Variants in INTS4 observed in about 807,000 individuals in gnomAD.
INTS4 encodes the protein MSTP093.
INTS4 carries 70 observed loss-of-function variants against 119.5 expected under a neutral mutation model. The observed-to-expected ratio is 0.59, with a 90% CI of 0.48 to 0.71. The LOEUF (loss-of-function observed/expected upper bound fraction) is 0.71. Among genes scored for constraint, INTS4 ranks in the 30% least tolerant of loss-of-function variants. The pLI is 0.00. For synonymous variants in INTS4, 316 were observed against 419.6 expected (o/e 0.75, Z 3.02); for missense variants, 867 against 1,173.2 (o/e 0.74, Z 3.81).
chr11:77,940,549 A>G (rs1953905507), intron 9 of INTS4, among the ~76,000 whole-genome samples: 1 of 152,214 alleles, frequency 6.6e-6, no homozygotes, highest in African/African-American at 2.4e-5. Context: ...ATGTCATACC[A>G]TCTCACAAAA....
intron 15 of INTS4, among the ~76,000 whole-genome samples, chr11:77,915,621 T>C (rs1271043037): frequency 3.3e-5 from 5 of 152,132 alleles, no homozygotes; most frequent in Non-Finnish European, 7.4e-5. Context: ...TATCTCTCAG[T>C]TCCTCACTCC....
At chr11:77,956,568 A>C (rs895130227) in intron 7 of INTS4, among the ~76,000 whole-genome samples, 14 of 152,136 alleles carry the variant, frequency 9.2e-5, no homozygotes, top group Non-Finnish European at 1.8e-4. Flanking sequence ...TTAGCCAGGC[A>C]TGGTGACACA....
At chr11:77,937,005 T>C (rs1953811095) in intron 10 of INTS4, among the ~76,000 whole-genome samples, 1 of 151,982 alleles carries the variant, frequency 6.6e-6, no homozygotes, top group African/African-American at 2.4e-5. Context: ...CAAAACCCCG[T>C]CTCTACTAAA....
intron 18 of INTS4, among the ~76,000 whole-genome samples, chr11:77,898,398 G>A (rs541544536): frequency 3.9e-5 from 6 of 152,174 alleles, no homozygotes; most frequent in South Asian, 2.1e-4. Flanking sequence ...TCCTGACCTC[G>A]TGATCCACCT....
intron 9 of INTS4, among the ~76,000 whole-genome samples, 192 bp downstream of exon 9, chr11:77,940,988 C>A (rs1953916838): frequency 1.3e-5 from 2 of 152,130 alleles, no homozygotes; most frequent in African/African-American, 4.8e-5. Context: ...CAAAGTATTT[C>A]ATTACAATAA....
At chr11:77,974,158 AT>A (rs1452596052) in intron 4 of INTS4, among the ~76,000 whole-genome samples, 1 of 147,920 alleles carries the variant, frequency 6.8e-6, no homozygotes, top group Non-Finnish European at 1.5e-5. Context: ...TTCTTTAGTC[AT>A]TTTCAGTAGT....
intron 10 of INTS4, 64 bp downstream of exon 10, chr11:77,938,587 G>A (rs1953856544): frequency 6.4e-7 from 1 of 1,569,798 alleles, no homozygotes; most frequent in African/African-American, 1.4e-5. Context: ...GTATCACCCA[G>A]TATAATGCCT....
chr11:77,952,674 T>G (rs1394448932), intron 8 of INTS4, among the ~76,000 whole-genome samples: 1 of 152,172 alleles, frequency 6.6e-6, no homozygotes, highest in Non-Finnish European at 1.5e-5. Flanking sequence ...TAACATGAAA[T>G]TGTAACACAA....
chr11:77,876,209 T>C (rs988095718), downstream of INTS4, among the ~76,000 whole-genome samples: 2 of 152,168 alleles, frequency 1.3e-5, no homozygotes, highest in Non-Finnish European at 2.9e-5. Flanking sequence ...CTCTGACTGC[T>C]GGGTGCATGC....
chr11:77,950,636 C>T (rs1266135568), intron 8 of INTS4, among the ~76,000 whole-genome samples: 2 of 152,122 alleles, frequency 1.3e-5, no homozygotes, highest in South Asian at 2.1e-4. Context: ...GATAACTATA[C>T]TAACTATCCT....
chr11:77,932,043 G>T (rs1414562345), intron 10 of INTS4, among the ~76,000 whole-genome samples: 2 of 152,146 alleles, frequency 1.3e-5, no homozygotes, highest in Admixed American at 6.5e-5. Flanking sequence ...AAGACTTCAT[G>T]ACTTAAACAC....
At chr11:77,963,375 C>CAAAAAAAAA (rs1162893388) in intron 4 of INTS4, 1 of 175,760 alleles carries the variant, frequency 5.7e-6, no homozygotes, top group African/African-American at 4.4e-5. Context: ...AAAAAAAAAA[C>CAAAAAAAAA]AAAAAAAACT....
chr11:77,990,987 T>A (rs2276441), intron 2 of INTS4, 121 bp downstream of exon 2: 566,551 of 799,354 alleles, frequency 0.71, 203,058 homozygotes, highest in African/African-American at 0.85. Context: ...TACCTAGCAC[T>A]TGGAAGACAC....
chr11:77,946,164 A>C (rs1250949297), intron 8 of INTS4, among the ~76,000 whole-genome samples: 1 of 152,204 alleles, frequency 6.6e-6, no homozygotes, highest in Non-Finnish European at 1.5e-5. Flanking sequence ...TGCCATCACA[A>C]ACTCCCACAG....
At chr11:77,974,238 CTTTT>C (rs60093605) in intron 4 of INTS4, among the ~76,000 whole-genome samples, 1 of 84,336 alleles carries the variant, frequency 1.2e-5, no homozygotes, top group Admixed American at 1.4e-4. Flanking sequence ...TTTTTCTTTT[CTTTT>C]TTTTTTTTTT....
chr11:77,981,694 A>T (rs1856227866), intron 2 of INTS4, 118 bp from the exon 3 acceptor site: 1 of 447,536 alleles, frequency 2.2e-6, no homozygotes, highest in Non-Finnish European at 4.0e-6. Flanking sequence ...CTATGGCATC[A>T]TTTCTGAAAA....
chr11:77,898,555 T>G (rs1296548273), intron 18 of INTS4, among the ~76,000 whole-genome samples: 1 of 152,232 alleles, frequency 6.6e-6, no homozygotes, highest in East Asian at 1.9e-4. Context: ...TTAGATCACC[T>G]TGATCTTAGA....
chr11:77,981,640 A>G, intron 2 of INTS4, 64 bp from the exon 3 acceptor site: 1 of 733,060 alleles, frequency 1.4e-6, no homozygotes, highest in East Asian at 2.8e-5. Context: ...AAACAGGAAC[A>G]TGGAAAACTA....
chr11:77,920,657 C>A (rs1953336231), intron 14 of INTS4, among the ~76,000 whole-genome samples: 1 of 151,902 alleles, frequency 6.6e-6, no homozygotes, highest in African/African-American at 2.4e-5. Flanking sequence ...TCAAGACCAT[C>A]CTGGCTAACA....
Sources: gnomAD v4.1 joint callset for allele counts (sites outside exome capture counted in the v4.1 genomes callset) on GRCh38, gnomAD v4.1.1 for gene constraint, MANE v1.5 for transcripts, NCBI Gene and HGNC (gene_info 2026-07-23, HGNC 2026-07-21) for gene names.